PCDH15: variants seen among roughly 807,000 people sequenced by gnomAD.
The protein encoded by PCDH15 is protocadherin-15.
In PCDH15, 129 loss-of-function variants were observed where a neutral mutation model predicts 178.5. The ratio of observed to expected loss-of-function variants is 0.72; its 90% CI spans 0.63 to 0.84. PCDH15 has a LOEUF of 0.84. Among genes scored for constraint, PCDH15 ranks in the 40% least tolerant of loss-of-function variants. The pLI is 0.00. For synonymous variants in PCDH15, 800 were observed against 732.0 expected (o/e 1.09, Z -1.50); for missense variants, 2,230 against 2,099.9 (o/e 1.06, Z -1.21).
Position 55,583,772 on chromosome 10 carries a change from G to A in PCDH15, c.-156+43853C>T, listed in dbSNP as rs528112981. Among the ~76,000 whole-genome samples, 9 of 151,754 alleles carry A rather than the reference G, an allele frequency of 5.9e-5. No homozygotes were observed. The East Asian group carries it at 7.7e-4, about 13-fold the overall frequency. On this transcript the variant is annotated intron_variant, in intron 2 of 5. Transcript: ENST00000613346. ...TTGACACAGAGAATTCCACAATATC[G>A]GTTACATAAATGCAATCTTTTCACC...
intron 2 of PCDH15, among the ~76,000 whole-genome samples, chr10:55,341,736 AT>A (rs1161592967): frequency 8.3e-6 from 1 of 119,854 alleles, no homozygotes; most frequent in Non-Finnish European, 1.7e-5. Context: ...CGCCCAGCTA[AT>A]TTTTTTTGTA....
At chr10:55,510,484 A>G (rs1840855105) in intron 2 of PCDH15, among the ~76,000 whole-genome samples, 1 of 152,134 alleles carries the variant, frequency 6.6e-6, no homozygotes, top group African/African-American at 2.4e-5. Context: ...TATTGTTTAA[A>G]AAAAAGTTTC....
chr10:53,975,069 T>G (rs1460985964), intron 21 of PCDH15, among the ~76,000 whole-genome samples: 1 of 152,198 alleles, frequency 6.6e-6, no homozygotes, highest in Non-Finnish European at 1.5e-5. Context: ...TCACTTGGTA[T>G]AATTGTTTCC....
intron 10 of PCDH15, among the ~76,000 whole-genome samples, chr10:54,200,269 C>CA (rs1554835589): frequency 1.9e-5 from 2 of 106,098 alleles, no homozygotes; most frequent in East Asian, 5.7e-4. Flanking sequence ...ACAGAGCCCA[C>CA]TTTTTTTTTT....
intron 10 of PCDH15, among the ~76,000 whole-genome samples, chr10:54,213,596 G>A (rs925935040): frequency 3.3e-5 from 5 of 152,008 alleles, no homozygotes; most frequent in Non-Finnish European, 5.9e-5. Context: ...TGTCTTAATT[G>A]GTCATGTTTT....
intron 1 of PCDH15, among the ~76,000 whole-genome samples, chr10:54,742,930 A>G (rs1200518125): frequency 6.6e-6 from 1 of 152,110 alleles, no homozygotes; most frequent in Non-Finnish European, 1.5e-5. Context: ...AGAAATATTC[A>G]TCAATGTCTT....
intron 2 of PCDH15, among the ~76,000 whole-genome samples, chr10:54,611,289 A>T (rs948071932): frequency 1.8e-4 from 28 of 151,712 alleles, no homozygotes; most frequent in South Asian, 4.2e-4. Context: ...TTATTTTTTT[A>T]AAAAAAACCT....
intron 8 of PCDH15, among the ~76,000 whole-genome samples, chr10:54,274,580 A>G (rs1453121985): frequency 2.6e-5 from 4 of 151,134 alleles, no homozygotes; most frequent in East Asian, 2.0e-4. Context: ...TTTGGTGGGT[A>G]TAAATGCCTT....
intron 2 of PCDH15, among the ~76,000 whole-genome samples, chr10:54,954,313 G>A (rs560361709): frequency 5.3e-5 from 8 of 150,966 alleles, no homozygotes; most frequent in African/African-American, 1.7e-4. Flanking sequence ...TTTCCTTCTG[G>A]GCTTTTTGTA....
intron 2 of PCDH15, among the ~76,000 whole-genome samples, chr10:54,945,763 T>C (rs1838183565): frequency 6.6e-6 from 1 of 151,572 alleles, no homozygotes; most frequent in Non-Finnish European, 1.5e-5. Context: ...TCTTACCTCA[T>C]CCAGGGGCTG....
chr10:53,868,612 T>A (rs913352681), intron 26 of PCDH15, among the ~76,000 whole-genome samples: 21 of 152,280 alleles, frequency 1.4e-4, no homozygotes, highest in African/African-American at 4.3e-4. Context: ...TAATAAGTAG[T>A]AAAGTTGAGA....
chr10:54,359,345 T>C (rs1178920960), intron 5 of PCDH15, among the ~76,000 whole-genome samples: 1 of 147,616 alleles, frequency 6.8e-6, no homozygotes, highest in Non-Finnish European at 1.5e-5. Context: ...GTTTATTAGT[T>C]GTTACAAAAA....
chr10:55,104,786 G>T (rs533654603), intron 2 of PCDH15, among the ~76,000 whole-genome samples: 9 of 152,226 alleles, frequency 5.9e-5, no homozygotes, highest in African/African-American at 1.9e-4. Context: ...GGCATCACTA[G>T]TAGCACTTTG....
chr10:54,689,015 AAAGT>A (rs1183427945), intron 1 of PCDH15, among the ~76,000 whole-genome samples: 1 of 152,086 alleles, frequency 6.6e-6, no homozygotes, highest in Non-Finnish European at 1.5e-5. Flanking sequence ...CAATGCTCAA[AAAGT>A]AATTCAATAT....
chr10:55,124,863 G>T (rs1003396944), intron 2 of PCDH15, among the ~76,000 whole-genome samples: 4 of 151,988 alleles, frequency 2.6e-5, no homozygotes, highest in Non-Finnish European at 5.9e-5. Context: ...ATCTAGAGAG[G>T]TTGTGTCATC....
At chr10:53,828,882 T>G (rs1441112829) in intron 30 of PCDH15, among the ~76,000 whole-genome samples, 1 of 152,192 alleles carries the variant, frequency 6.6e-6, no homozygotes, top group Admixed American at 6.5e-5. Context: ...AAAAATGGAA[T>G]ATTAAAGATG....
At chr10:55,412,780 T>C (rs572862375) in intron 2 of PCDH15, among the ~76,000 whole-genome samples, 18 of 151,698 alleles carry the variant, frequency 1.2e-4, no homozygotes, top group Non-Finnish European at 2.2e-4. Flanking sequence ...ATTTTCAGTA[T>C]TGTTTGAGAA....
At chr10:53,866,032 T>G (rs2079427195) in intron 27 of PCDH15, among the ~76,000 whole-genome samples, 1 of 152,158 alleles carries the variant, frequency 6.6e-6, no homozygotes. Flanking sequence ...TTTCAAATGA[T>G]CTATCACTAA....
intron 1 of PCDH15, among the ~76,000 whole-genome samples, chr10:55,292,598 T>A (rs761510057): frequency 6.2e-4 from 94 of 152,214 alleles, no homozygotes; most frequent in Non-Finnish European, 1.1e-3. Flanking sequence ...GCCAGGCTGG[T>A]CTCGAAATTC....
Sources: gnomAD v4.1 joint callset for allele counts (sites outside exome capture counted in the v4.1 genomes callset) on GRCh38, gnomAD v4.1.1 for gene constraint, MANE v1.5 for transcripts, NCBI Gene and HGNC (gene_info 2026-07-23, HGNC 2026-07-21) for gene names.